The following LIMCH1 variants were observed in gnomAD, a reference collection of about 807,000 sequenced individuals.
LIMCH1 encodes LIM and calponin homology domains-containing protein 1.
In LIMCH1, 113 loss-of-function variants were observed where a neutral mutation model predicts 176.5. The observed-to-expected ratio is 0.64, with a 90% CI of 0.55 to 0.75. The LOEUF is 0.75. Among genes scored for constraint, LIMCH1 ranks in the 30% least tolerant of loss-of-function variants. LIMCH1 has a pLI of 0.00. For synonymous variants in LIMCH1, 619 were observed against 645.9 expected (o/e 0.96, Z 0.63); for missense variants, 1,674 against 1,814.9 (o/e 0.92, Z 1.41).
chr4:41,685,886 T>A, intron 28 of LIMCH1, 56 bp downstream of exon 28: 1 of 1,579,854 alleles, frequency 6.3e-7, no homozygotes, highest in Non-Finnish European at 8.6e-7. Flanking sequence ...TTCATTTAGT[T>A]AGAAGGGAGA....
At chr4:41,515,535 C>T (rs948726986) in intron 2 of LIMCH1, among the ~76,000 whole-genome samples, 2 of 152,178 alleles carry the variant, frequency 1.3e-5, no homozygotes, top group African/African-American at 4.8e-5. Flanking sequence ...TAATGCCGGC[C>T]ATTGATGAAG....
intron 2 of LIMCH1, among the ~76,000 whole-genome samples, chr4:41,514,994 G>T (rs957433954): frequency 2.6e-5 from 4 of 152,206 alleles, no homozygotes; most frequent in Admixed American, 1.3e-4. Context: ...GTGTGTCTGG[G>T]CTTAGCTGGT....
intron 2 of LIMCH1, among the ~76,000 whole-genome samples, chr4:41,503,868 C>G (rs1010048897): frequency 5.3e-5 from 8 of 152,180 alleles, no homozygotes; most frequent in Non-Finnish European, 7.3e-5. Context: ...TTACCTCCCT[C>G]TCTAGGGGTT....
chr4:41,655,685 G>A (rs1310078530), intron 18 of LIMCH1, among the ~76,000 whole-genome samples: 16 of 147,030 alleles, frequency 1.1e-4, no homozygotes, highest in Admixed American at 2.7e-4. Context: ...TTTTTTTTTC[G>A]TCTTTCCCCC....
chr4:41,595,829 G>A (rs186672708), intron 1 of LIMCH1, among the ~76,000 whole-genome samples: 1 of 151,936 alleles, frequency 6.6e-6, no homozygotes, highest in East Asian at 1.9e-4. Flanking sequence ...GGGCCAAGGT[G>A]GGCAGATCAC....
At chr4:41,432,797 A>G (rs1235022125) in intron 1 of LIMCH1, among the ~76,000 whole-genome samples, 3 of 152,216 alleles carry the variant, frequency 2.0e-5, no homozygotes, top group Non-Finnish European at 4.4e-5. Flanking sequence ...AATACAGGAC[A>G]TATGGGAGAT....
chr4:41,584,873 C>T (rs972385214), intron 1 of LIMCH1, among the ~76,000 whole-genome samples: 1 of 152,182 alleles, frequency 6.6e-6, no homozygotes, highest in Admixed American at 6.5e-5. Context: ...CTTTATTTCT[C>T]ACAGTTCTGG....
Position 41,631,482 on chromosome 4 carries a change from T to A in LIMCH1, c.1601+5T>A. On this transcript the variant is annotated splice_donor_5th_base_variant and intron_variant, in intron 10 of 31. Coordinates refer to ENST00000503057, the MANE Select transcript of LIMCH1 (RefSeq NM_001330672.2). ...TAATCGACAAAATGACTGCAGGTATTTTTTGCCATACGTGTGCAAGGATAT... is the reference window on the plus strand; with the variant it reads ...TAATCGACAAAATGACTGCAGGTATATTTTGCCATACGTGTGCAAGGATAT... The A allele has an allele frequency of 1.3e-6, 2 of 1,501,004 alleles. No homozygotes were observed. The highest frequency in any genetic ancestry group is 1.8e-6 in the Non-Finnish European group (2 of 1,130,628). The allele number at this position is 1,501,004 out of a possible 1,614,324, so 93.0% of individuals were successfully genotyped here. A position where few individuals can be genotyped will look rare whatever the true frequency, so the allele number is the denominator to read the frequency against.
intron 1 of LIMCH1, 132 bp from the exon 2 acceptor site, chr4:41,598,788 G>C (rs1047436918): frequency 4.2e-6 from 2 of 476,606 alleles, no homozygotes; most frequent in African/African-American, 4.0e-5. Context: ...AGTATGATTT[G>C]TTATGCAAGC....
chr4:41,640,086 T>G (rs1172605062), intron 14 of LIMCH1, among the ~76,000 whole-genome samples: 1 of 152,228 alleles, frequency 6.6e-6, no homozygotes, highest in Non-Finnish European at 1.5e-5. Context: ...GTGGTCAAAC[T>G]CCAGGGCCAA....
chr4:41,413,242 T>C (rs1193142997), intron 1 of LIMCH1, among the ~76,000 whole-genome samples: 2 of 149,992 alleles, frequency 1.3e-5, no homozygotes, highest in Admixed American at 6.7e-5. Flanking sequence ...TTTTTAAATA[T>C]CAGTTTTGTG....
chr4:41,542,724 T>C (rs754429138), intron 1 of LIMCH1, among the ~76,000 whole-genome samples: 7 of 152,198 alleles, frequency 4.6e-5, no homozygotes, highest in Non-Finnish European at 1.0e-4. Flanking sequence ...CATCCCATCA[T>C]AGCAGCTTCC....
At chr4:41,494,752 C>T (rs1223968963) in intron 2 of LIMCH1, 1 of 586,500 alleles carries the variant, frequency 1.7e-6, no homozygotes, top group Non-Finnish European at 3.0e-6. Flanking sequence ...AGACAAGAAA[C>T]ACAAGTCGGT....
chr4:41,578,245 C>T (rs1262646419), intron 1 of LIMCH1, among the ~76,000 whole-genome samples: 1 of 152,070 alleles, frequency 6.6e-6, no homozygotes, highest in Non-Finnish European at 1.5e-5. Flanking sequence ...TACATGGCAG[C>T]AGGAGAGAGA....
intron 1 of LIMCH1, among the ~76,000 whole-genome samples, chr4:41,490,767 C>T (rs549127741): frequency 7.9e-5 from 12 of 152,366 alleles, no homozygotes; most frequent in East Asian, 5.8e-4. Flanking sequence ...ATCGTTATCA[C>T]GGCCCGTTCT....
chr4:41,419,091 C>T (rs2060197162), intron 1 of LIMCH1, among the ~76,000 whole-genome samples: 1 of 151,904 alleles, frequency 6.6e-6, no homozygotes, highest in Non-Finnish European at 1.5e-5. Flanking sequence ...TAAAGTGTCT[C>T]AGAATTTTAC....
intron 1 of LIMCH1, among the ~76,000 whole-genome samples, chr4:41,375,181 T>G (rs2054551791): frequency 6.6e-6 from 1 of 152,098 alleles, no homozygotes; most frequent in Non-Finnish European, 1.5e-5. Flanking sequence ...AGGAAATAAT[T>G]AAAATGAACT....
intron 17 of LIMCH1, 51 bp downstream of exon 17, chr4:41,646,944 A>G: frequency 2.0e-6 from 3 of 1,486,982 alleles, no homozygotes; most frequent in Non-Finnish European, 2.8e-6. Context: ...CAGGGAGTGG[A>G]TGGAAAGAAG....
chr4:41,489,294 A>G (rs575206383), intron 1 of LIMCH1, among the ~76,000 whole-genome samples: 2 of 151,902 alleles, frequency 1.3e-5, no homozygotes, highest in East Asian at 3.9e-4. Flanking sequence ...ATTTTTCCCT[A>G]TTGTTTTTCA....
Sources: allele counts gnomAD v4.1 joint callset (sites outside exome capture counted in the v4.1 genomes callset), GRCh38; gene constraint gnomAD v4.1.1; transcripts MANE v1.5; gene names NCBI Gene and HGNC (gene_info 2026-07-23, HGNC 2026-07-21).